Variants in IQSEC1 observed in about 807,000 individuals in gnomAD.
IQSEC1 encodes the protein IQ motif and SEC7 domain-containing protein 1.
IQSEC1 carries 31 observed loss-of-function variants against 91.0 expected under a neutral mutation model. That is an observed-to-expected ratio of 0.34 (90% confidence interval 0.26 to 0.46). The LOEUF (loss-of-function observed/expected upper bound fraction) is 0.46, where lower values mean the gene tolerates loss of function less well. Among genes scored for constraint, IQSEC1 ranks in the 20% least tolerant of loss-of-function variants. The probability of loss-of-function intolerance (pLI) is 1.00; values close to 1 mark genes in which losing one functional copy is unlikely to be tolerated. For synonymous variants in IQSEC1, 699 were observed against 662.6 expected, an observed-to-expected ratio of 1.05 and a Z score of -0.84; for missense variants, 1,388 against 1,575.6, an observed-to-expected ratio of 0.88 and a Z score of 2.02.
intron 1 of IQSEC1, among the ~76,000 whole-genome samples, chr3:12,974,064 G>A (rs1354366547): frequency 6.6e-6 from 1 of 152,190 alleles, no homozygotes; most frequent in African/African-American, 2.4e-5. Flanking sequence ...AGGATGCATG[G>A]GAAAGACCCT....
At chr3:12,913,946 C>G (rs1218637925) in intron 8 of IQSEC1, among the ~76,000 whole-genome samples, 1 of 152,198 alleles carries the variant, frequency 6.6e-6, no homozygotes, top group Non-Finnish European at 1.5e-5. Flanking sequence ...CATGAGGCCA[C>G]TCAGCCCTGC....
chr3:13,165,136 G>A (rs1007554278), intron 1 of IQSEC1, among the ~76,000 whole-genome samples: 2 of 152,212 alleles, frequency 1.3e-5, no homozygotes, highest in Admixed American at 6.5e-5. Context: ...AAATGAGACA[G>A]AAGGCAGGTA....
chr3:13,058,472 T>C (rs1704953852), intron 1 of IQSEC1, among the ~76,000 whole-genome samples: 1 of 152,146 alleles, frequency 6.6e-6, no homozygotes, highest in African/African-American at 2.4e-5. Flanking sequence ...GGTTGTTATC[T>C]TTCCCACCTC....
intron 1 of IQSEC1, among the ~76,000 whole-genome samples, chr3:13,234,113 C>T (rs1694880032): frequency 6.6e-6 from 1 of 152,248 alleles, no homozygotes; most frequent in African/African-American, 2.4e-5. Flanking sequence ...TTTCGTGCTT[C>T]AAAACTTTGG....
In IQSEC1 at chr3:12,957,683, C is replaced by T. The variant is rs373298134; in HGVS notation, c.24-15818G>A. On this transcript the variant is annotated intron_variant, in intron 1 of 13. Transcript: ENST00000613206. ...CGCGCAGAAGGCCTTCCTCATGGCCCGCCCTGCCAGCCAGGGCCTGTGGTG... is the reference window on the plus strand; with the variant it reads ...CGCGCAGAAGGCCTTCCTCATGGCCTGCCCTGCCAGCCAGGGCCTGTGGTG... Among the ~76,000 whole-genome samples, 17 of 152,314 alleles carry T rather than the reference C, an allele frequency of 1.1e-4. No homozygotes were observed. In the South Asian group the frequency reaches 2.9e-3, roughly 26 times the overall value.
intron 4 of IQSEC1, among the ~76,000 whole-genome samples, chr3:12,923,979 G>A (rs1030177010): frequency 6.6e-6 from 1 of 152,226 alleles, no homozygotes; most frequent in African/African-American, 2.4e-5. Flanking sequence ...GAACTGAGAA[G>A]AGCTGTGGAA....
intron 12 of IQSEC1, among the ~76,000 whole-genome samples, chr3:12,904,627 C>T (rs965133701): frequency 6.6e-6 from 1 of 152,176 alleles, no homozygotes; most frequent in African/African-American, 2.4e-5. Flanking sequence ...GGCCATCAGA[C>T]ACTCAGGACA....
intron 1 of IQSEC1, chr3:13,015,651 G>A (rs1207127095): frequency 6.1e-6 from 6 of 985,238 alleles, no homozygotes; most frequent in Non-Finnish European, 7.2e-6. Flanking sequence ...CCCGGGGGAT[G>A]AGCTGTGGGT....
chr3:13,226,643 C>T (rs1294073094), intron 1 of IQSEC1, among the ~76,000 whole-genome samples: 4 of 151,982 alleles, frequency 2.6e-5, no homozygotes, highest in African/African-American at 4.8e-5. Flanking sequence ...TAAGTGGGCA[C>T]GTGGCAGCTG....
intron 1 of IQSEC1, among the ~76,000 whole-genome samples, chr3:13,021,592 C>CT (rs1467825079): frequency 2.0e-5 from 3 of 152,250 alleles, no homozygotes; most frequent in African/African-American, 7.2e-5. Context: ...AGCCTGGTGT[C>CT]TGAGTCCGGG....
At chr3:12,943,614 C>T (rs1323995769) in intron 1 of IQSEC1, among the ~76,000 whole-genome samples, 1 of 152,224 alleles carries the variant, frequency 6.6e-6, no homozygotes, top group African/African-American at 2.4e-5. Context: ...GCGGTGCCCC[C>T]TCCTGGTGCC....
chr3:13,040,636 C>T (rs553735748), intron 1 of IQSEC1, among the ~76,000 whole-genome samples: 92 of 152,330 alleles, frequency 6.0e-4, no homozygotes, highest in East Asian at 1.4e-3. Context: ...GCCCAGGCTC[C>T]GGTCCTGAGC....
intron 2 of IQSEC1, among the ~76,000 whole-genome samples, chr3:13,145,340 C>T (rs1204577135): frequency 6.6e-6 from 1 of 152,188 alleles, no homozygotes; most frequent in Admixed American, 6.5e-5. Flanking sequence ...GCTGTCTACT[C>T]CACCCCTAAC....
intron 6 of IQSEC1, among the ~76,000 whole-genome samples, chr3:12,917,570 A>T (rs951078414): frequency 6.6e-6 from 1 of 152,186 alleles, no homozygotes; most frequent in African/African-American, 2.4e-5. Context: ...TTCATGGTCG[A>T]TAGCTCACTT....
Position 12,907,752 on chromosome 3 carries a change from AAATTAAACAC to A in IQSEC1, c.2755+587_2755+596del, listed in dbSNP as rs1695135711. On this transcript the variant is annotated intron_variant, in intron 12 of 13. Coordinates refer to ENST00000613206, the MANE Select transcript of IQSEC1 (RefSeq NM_001134382.3). ...GCTTGGGGGTTAAACAGCTGGCAGC[AAATTAAACAC>A]ACACAGAAACAAAGAAACAACCACA... is the stretch of plus-strand genomic sequence containing the variant. Among the ~76,000 whole-genome samples, 3 of 152,214 alleles carry A rather than the reference AAATTAAACAC, an allele frequency of 2.0e-5. No homozygotes were observed. The South Asian group carries it at 6.2e-4, about 32-fold the overall frequency.
intron 1 of IQSEC1, among the ~76,000 whole-genome samples, chr3:13,264,173 C>T (rs1259210777): frequency 6.6e-6 from 1 of 152,230 alleles, no homozygotes; most frequent in Non-Finnish European, 1.5e-5. Flanking sequence ...GCTGCTCCAC[C>T]AAGCACAGGC....
intron 1 of IQSEC1, among the ~76,000 whole-genome samples, chr3:13,234,285 T>C (rs1694885606): frequency 6.7e-6 from 1 of 148,522 alleles, no homozygotes; most frequent in South Asian, 2.1e-4. Context: ...TCCCCGTGTC[T>C]GTGCCTGTGG....
intron 1 of IQSEC1, among the ~76,000 whole-genome samples, chr3:13,044,355 G>T (rs1312729025): frequency 6.6e-6 from 1 of 152,178 alleles, no homozygotes; most frequent in Non-Finnish European, 1.5e-5. Flanking sequence ...ACCAGAGAAT[G>T]GTCCTGCCCA....
intron 1 of IQSEC1, among the ~76,000 whole-genome samples, chr3:12,993,324 G>A (rs1702075395): frequency 6.6e-6 from 1 of 152,198 alleles, no homozygotes; most frequent in African/African-American, 2.4e-5. Context: ...CTCCAGCCCT[G>A]CCAAAGCTTC....
Sources: gnomAD v4.1 joint callset for allele counts (sites outside exome capture counted in the v4.1 genomes callset) on GRCh38, gnomAD v4.1.1 for gene constraint, MANE v1.5 for transcripts, NCBI Gene and HGNC (gene_info 2026-07-23, HGNC 2026-07-21) for gene names.